Variants in MTMR3 observed in about 807,000 individuals in gnomAD.
The protein encoded by MTMR3 is myotubularin related protein 3, also known as phosphatidylinositol-3,5-bisphosphate 3-phosphatase MTMR3.
A neutral mutation model predicts 132.4 loss-of-function variants in MTMR3; 32 were observed. The ratio of observed to expected loss-of-function variants is 0.24; its 90% confidence interval spans 0.18 to 0.32. MTMR3 has a LOEUF of 0.32. Among genes scored for constraint, MTMR3 ranks in the 10% least tolerant of loss-of-function variants. The probability of loss-of-function intolerance (pLI) is 1.00; values close to 1 mark genes in which losing one functional copy is unlikely to be tolerated. For missense variants in MTMR3, 1,216 were observed against 1,489.6 expected (o/e 0.82, Z 3.02); for synonymous variants, 556 against 550.3 (o/e 1.01, Z -0.14).
chr22:29,979,153 G>T (rs758461743), intron 5 of MTMR3, 101 bp downstream of exon 5: 17 of 816,632 alleles, frequency 2.1e-5, no homozygotes, highest in Middle Eastern at 2.6e-4. Flanking sequence ...AATTGGGAGA[G>T]AAAGCATTAT....
At chr22:29,940,247 G>C (rs977868908) in intron 1 of MTMR3, among the ~76,000 whole-genome samples, 1 of 152,112 alleles carries the variant, frequency 6.6e-6, no homozygotes, top group African/African-American at 2.4e-5. Flanking sequence ...CAGCCTGGGG[G>C]ACAGAGCGAG....
chr22:29,922,920 A>C, intron 1 of MTMR3, among the ~76,000 whole-genome samples: 2 of 142,290 alleles, frequency 1.4e-5, no homozygotes, highest in Admixed American at 7.1e-5. Flanking sequence ...ACTGGGTCTC[A>C]CTCTGTCACC....
chr22:29,977,195 G>A (rs1402104950), intron 3 of MTMR3, among the ~76,000 whole-genome samples: 3 of 152,176 alleles, frequency 2.0e-5, no homozygotes, highest in Non-Finnish European at 4.4e-5. Flanking sequence ...GGGAGGCTGA[G>A]GCTGGAGGAT....
At chr22:29,922,943 C>A (rs1319442166) in intron 1 of MTMR3, among the ~76,000 whole-genome samples, 4 of 147,740 alleles carry the variant, frequency 2.7e-5, no homozygotes. Flanking sequence ...GACTGGAGTG[C>A]GGTGGGGTGA....
chr22:29,905,858 T>G (rs2145734995), intron 1 of MTMR3, among the ~76,000 whole-genome samples: 1 of 152,340 alleles, frequency 6.6e-6, no homozygotes, highest in Admixed American at 6.5e-5. Flanking sequence ...CAAAAGCATA[T>G]TTTAAATTAT....
At chr22:29,967,141 G>A (rs1182646238) in intron 2 of MTMR3, among the ~76,000 whole-genome samples, 11 of 150,132 alleles carry the variant, frequency 7.3e-5, no homozygotes, top group African/African-American at 2.2e-4. Context: ...TTTTTGCAGC[G>A]TTTATTTTTA....
chr22:30,007,064 A>G, intron 9 of MTMR3, 50 bp from the exon 10 acceptor site: 1 of 1,596,044 alleles, frequency 6.3e-7, no homozygotes, highest in Non-Finnish European at 8.6e-7. Context: ...TTGTGTGAGT[A>G]CAGAGAGCAT....
intron 1 of MTMR3, among the ~76,000 whole-genome samples, chr22:29,947,784 G>A (rs1396402034): frequency 2.0e-5 from 3 of 152,156 alleles, no homozygotes; most frequent in Non-Finnish European, 4.4e-5. Flanking sequence ...TTGGATGGCA[G>A]TCACATGTAT....
At position 30,020,129 on chromosome 22, in the gene MTMR3, C is replaced by T; in HGVS notation, c.2470C>T (p.Gln824Ter). The change falls in exon 17 of 20, where the codon CAG (glutamine) becomes TAG (stop). Residue 824 changes from glutamine to a stop codon, truncating the protein, a stop_gained. Coordinates refer to ENST00000401950, the MANE Select transcript of MTMR3 (RefSeq NM_021090.4). LOFTEE classifies it high-confidence loss of function. ...TGCAAAAGTTGGCTATGGTACCTCA[C>T]AGTCATGTTCTCTGCTACCTTCCCA... is the stretch of plus-strand genomic sequence containing the variant. ...VDAKVGYGTSQSCSLLPSQVP... is the reference protein window; with the variant it reads ...VDAKVGYGTS 1 of 1,614,220 alleles carries T rather than the reference C, an allele frequency of 6.2e-7. No homozygotes were observed. The highest frequency in any genetic ancestry group is 8.5e-7 in the Non-Finnish European group (1 of 1,180,042).
chr22:30,023,908 A>G (rs2067835800), intron 19 of MTMR3: 1 of 167,134 alleles, frequency 6.0e-6, no homozygotes, highest in African/African-American at 2.5e-5. Flanking sequence ...AGGACTGAAC[A>G]GAGGTGATCT....
rs193014206 is a variant in MTMR3, at chr22:29,892,785, G to C, written c.-138+9426G>C. On this transcript the variant is annotated intron_variant, in intron 1 of 19. Transcript: ENST00000401950. ...AACTTGAGTGATTACTTTTTTGCCAGTTAAAAGAAATGAGATAATTTATAT... is the reference window on the plus strand; with the variant it reads ...AACTTGAGTGATTACTTTTTTGCCACTTAAAAGAAATGAGATAATTTATAT... Among the ~76,000 whole-genome samples the C allele has an allele frequency of 1.1e-4, 16 of 152,294 alleles. No homozygotes were observed. In the East Asian group the frequency reaches 2.3e-3, roughly 22 times the overall value.
intron 5 of MTMR3, chr22:29,981,201 C>G (rs1259302876): frequency 6.6e-6 from 1 of 152,178 alleles, no homozygotes; most frequent in Non-Finnish European, 1.5e-5. Context: ...CTTCAAGATC[C>G]AGCATGTCTC....
intron 12 of MTMR3, 166 bp from the exon 13 acceptor site, chr22:30,012,202 C>G (rs2067450028): frequency 3.0e-6 from 2 of 673,104 alleles, no homozygotes; most frequent in Non-Finnish European, 4.9e-6. Flanking sequence ...GGGCTTGGGC[C>G]TCATCCTGAG....
In MTMR3 at chr22:30,012,472, T is replaced by C; in HGVS notation, c.1226T>C (p.Val409Ala). 6.2e-7 allele frequency: 1 copy of C among 1,614,142 alleles called. No homozygotes were observed. Among genetic ancestry groups the C allele is most frequent in the Non-Finnish European group, 8.5e-7 (1 of 1,180,028 alleles). Residue 409 changes from valine (V) to alanine (A), a missense_variant, in exon 13 of 20, where the codon GTG (valine) becomes GCG (alanine). Coordinates refer to ENST00000401950, the MANE Select transcript of MTMR3 (RefSeq NM_021090.4). ...GCTGTGGATCAGGATCAGCGGCCGG[T>C]GCTAGTACACTGCTCAGATGGCTGG... ...VHAVDQDQRP[V>A]LVHCSDGWDR...
chr22:29,902,406 GTTTTT>G (rs534691732), intron 1 of MTMR3, among the ~76,000 whole-genome samples: 1 of 134,492 alleles, frequency 7.4e-6, no homozygotes. Context: ...GGTTATGAAA[GTTTTT>G]TTTTTTTTTT....
At chr22:29,958,015 T>A (rs1238815161) in intron 2 of MTMR3, among the ~76,000 whole-genome samples, 1 of 152,036 alleles carries the variant, frequency 6.6e-6, no homozygotes, top group Non-Finnish European at 1.5e-5. Flanking sequence ...ATGTATGTAG[T>A]TTTCAGTACT....
intron 6 of MTMR3, 68 bp downstream of exon 6, chr22:29,988,630 A>C: frequency 8.4e-7 from 1 of 1,192,690 alleles, no homozygotes; most frequent in Non-Finnish European, 1.2e-6. Context: ...TGGGTCCATT[A>C]TTTGGTAACT....
chr22:29,925,651 C>T (rs1407591497), intron 1 of MTMR3, among the ~76,000 whole-genome samples: 1 of 151,514 alleles, frequency 6.6e-6, no homozygotes, highest in African/African-American at 2.4e-5. Context: ...CATGGTGGCT[C>T]ATGCCTGTAA....
chr22:29,917,291 C>A (rs2065326881), intron 1 of MTMR3, among the ~76,000 whole-genome samples: 1 of 152,144 alleles, frequency 6.6e-6, no homozygotes, highest in African/African-American at 2.4e-5. Context: ...ATATTAACCC[C>A]TTCACCTCCC....
Sources: allele counts gnomAD v4.1 joint callset (sites outside exome capture counted in the v4.1 genomes callset), GRCh38; gene constraint gnomAD v4.1.1; transcripts MANE v1.5; gene names NCBI Gene and HGNC (gene_info 2026-07-23, HGNC 2026-07-21).